RSRC1: variants seen among roughly 807,000 people sequenced by gnomAD.
RSRC1 encodes arginine and serine rich coiled-coil 1.
Under a neutral mutation model 49.1 loss-of-function variants are expected in RSRC1, and 39 were observed. The observed-to-expected ratio is 0.79, with a 90% CI of 0.61 to 1.04. The LOEUF is 1.04. Among genes scored for constraint, RSRC1 ranks in the 50% least tolerant of loss-of-function variants. RSRC1 has a pLI of 0.00. For synonymous variants in RSRC1, 143 were observed against 130.8 expected (o/e 1.09, Z -0.63); for missense variants, 388 against 402.4 (o/e 0.96, Z 0.31).
intron 5 of RSRC1, among the ~76,000 whole-genome samples, chr3:158,327,638 T>A (rs369240971): frequency 2.6e-5 from 4 of 152,020 alleles, no homozygotes; most frequent in Admixed American, 2.6e-4. Context: ...TGCTGAGGAG[T>A]GCTTTACTTC....
chr3:158,317,449 C>T (rs1237354281), intron 5 of RSRC1, among the ~76,000 whole-genome samples: 6 of 151,950 alleles, frequency 3.9e-5, no homozygotes, highest in East Asian at 1.9e-4. Flanking sequence ...AGCATGATCT[C>T]GAACTCCTGA....
chr3:158,457,320 A>G (rs190288405), intron 6 of RSRC1, among the ~76,000 whole-genome samples: 67 of 152,330 alleles, frequency 4.4e-4, no homozygotes, highest in Admixed American at 3.7e-3. Flanking sequence ...CTGGTACTGC[A>G]TAAGGATAAG....
chr3:158,202,820 T>C (rs1721134240), intron 3 of RSRC1, among the ~76,000 whole-genome samples: 1 of 151,896 alleles, frequency 6.6e-6, no homozygotes, highest in Admixed American at 6.6e-5. Context: ...TAAGACTAGA[T>C]TTGAACCTTT....
intron 6 of RSRC1, among the ~76,000 whole-genome samples, chr3:158,415,088 A>C (rs17627838): frequency 0.13 from 20,501 of 152,124 alleles, 1,505 homozygotes; most frequent in Middle Eastern, 0.2. Flanking sequence ...TATCCTCCAT[A>C]GTTCCTGTAT....
chr3:158,137,869 G>A (rs1046353382), intron 3 of RSRC1, among the ~76,000 whole-genome samples: 4 of 151,944 alleles, frequency 2.6e-5, no homozygotes. Context: ...GGCCAGACTG[G>A]TCTCGAATTC....
chr3:158,331,847 G>T (rs1463321910), intron 5 of RSRC1, among the ~76,000 whole-genome samples: 1 of 148,908 alleles, frequency 6.7e-6, no homozygotes, highest in Non-Finnish European at 1.5e-5. Flanking sequence ...AAGTATAAGT[G>T]GGTGTTAATC....
At chr3:158,158,770 T>C (rs1267785521) in intron 3 of RSRC1, among the ~76,000 whole-genome samples, 1 of 151,940 alleles carries the variant, frequency 6.6e-6, no homozygotes, top group Non-Finnish European at 1.5e-5. Flanking sequence ...TGAAACCCCA[T>C]CTCCACTAAA....
chr3:158,294,716 A>G (rs1578301069), intron 4 of RSRC1, among the ~76,000 whole-genome samples: 1 of 151,836 alleles, frequency 6.6e-6, no homozygotes, highest in South Asian at 2.1e-4. Flanking sequence ...CAGTAAAAAA[A>G]ATAAATAAAT....
intron 4 of RSRC1, among the ~76,000 whole-genome samples, chr3:158,296,033 C>T (rs998867873): frequency 1.3e-5 from 2 of 152,032 alleles, no homozygotes; most frequent in African/African-American, 2.4e-5. Context: ...TATGACATAC[C>T]TTAACCTTTC....
chr3:158,176,172 A>G (rs1719202468), intron 3 of RSRC1, among the ~76,000 whole-genome samples: 1 of 152,212 alleles, frequency 6.6e-6, no homozygotes, highest in African/African-American at 2.4e-5. Flanking sequence ...AAATGGAAGA[A>G]CATTCCATGC....
intron 7 of RSRC1, among the ~76,000 whole-genome samples, chr3:158,476,600 C>T (rs1288904202): frequency 6.6e-6 from 1 of 152,160 alleles, no homozygotes; most frequent in Non-Finnish European, 1.5e-5. Flanking sequence ...GATGACAACA[C>T]ATCTGTTTAT....
At chr3:158,528,400 G>A (rs1187008642) in intron 7 of RSRC1, among the ~76,000 whole-genome samples, 3 of 151,944 alleles carry the variant, frequency 2.0e-5, no homozygotes, top group East Asian at 1.9e-4. Flanking sequence ...AATCTCCTGC[G>A]AGACAAGGGT....
At chr3:158,518,532 C>A (rs545428341) in intron 7 of RSRC1, among the ~76,000 whole-genome samples, 32 of 151,992 alleles carry the variant, frequency 2.1e-4, no homozygotes, top group Non-Finnish European at 4.3e-4. Context: ...ATGGAAGTAT[C>A]ATTTAGAAGT....
chr3:158,540,744 G>C (rs549241291), intron 8 of RSRC1, among the ~76,000 whole-genome samples: 1 of 151,960 alleles, frequency 6.6e-6, no homozygotes, highest in Admixed American at 6.6e-5. Flanking sequence ...CATTTATCTA[G>C]TCCAGGACCC....
At chr3:158,198,905 G>A (rs1419257809) in intron 3 of RSRC1, among the ~76,000 whole-genome samples, 1 of 152,146 alleles carries the variant, frequency 6.6e-6, no homozygotes, top group Non-Finnish European at 1.5e-5. Flanking sequence ...AGATGGACAA[G>A]GACAAATATT....
intron 6 of RSRC1, among the ~76,000 whole-genome samples, chr3:158,421,472 A>G (rs1735047241): frequency 6.6e-6 from 1 of 151,870 alleles, no homozygotes; most frequent in Non-Finnish European, 1.5e-5. Flanking sequence ...TAGTAAGATC[A>G]TTGCAGTAAT....
At chr3:158,357,259 G>T (rs1731209408) in intron 6 of RSRC1, among the ~76,000 whole-genome samples, 1 of 152,120 alleles carries the variant, frequency 6.6e-6, no homozygotes. Flanking sequence ...TATGAGGTCA[G>T]AGGGTATTAA....
chr3:158,309,405 A>G (rs549510911), intron 5 of RSRC1, among the ~76,000 whole-genome samples: 5 of 151,910 alleles, frequency 3.3e-5, no homozygotes, highest in Admixed American at 3.3e-4. Context: ...TAATTTTTAT[A>G]ATTATTGGTC....
At chr3:158,459,609 C>T (rs1358559642) in intron 6 of RSRC1, among the ~76,000 whole-genome samples, 1 of 151,954 alleles carries the variant, frequency 6.6e-6, no homozygotes, top group Non-Finnish European at 1.5e-5. Context: ...TTTCTATTAT[C>T]CTTGTCCTTC....
Sources: allele counts gnomAD v4.1 joint callset (sites outside exome capture counted in the v4.1 genomes callset), GRCh38; gene constraint gnomAD v4.1.1; transcripts MANE v1.5; gene names NCBI Gene and HGNC (gene_info 2026-07-23, HGNC 2026-07-21).